Variants in PKHD1 observed in about 807,000 individuals in gnomAD.
The protein encoded by PKHD1 is fibrocystin.
In PKHD1, 291 loss-of-function variants were observed where a neutral mutation model predicts 412.0. The observed-to-expected ratio is 0.71, with a 90% confidence interval of 0.64 to 0.78. The LOEUF is 0.78. PKHD1 is among the 30% of genes least tolerant of loss of function. The pLI is 0.00. For synonymous variants in PKHD1, 1,777 were observed against 1,821.5 expected, an observed-to-expected ratio of 0.98 and a Z score of 0.62; for missense variants, 4,825 against 4,950.7, an observed-to-expected ratio of 0.97 and a Z score of 0.76.
intron 60 of PKHD1, among the ~76,000 whole-genome samples, chr6:51,711,428 G>T (rs939844121): frequency 1.1e-4 from 16 of 152,172 alleles, no homozygotes; most frequent in Admixed American, 5.2e-4. Context: ...AAATCATCTT[G>T]TCTCTATCCC....
At position 51,760,824 on chromosome 6, in the gene PKHD1, T is replaced by G. The variant is rs554574537; in HGVS notation, c.8643-5886A>C. On this transcript the variant is annotated intron_variant, in intron 55 of 66. Coordinates refer to ENST00000371117, the MANE Select transcript of PKHD1 (RefSeq NM_138694.4). ...AGAAAAGGATGAGGTAACAAATGAC[T>G]TGATTTCTTATTCAGTTCACAGTTT... Among the ~76,000 whole-genome samples, 8 of 152,236 alleles carry G rather than the reference T, an allele frequency of 5.3e-5. No homozygotes were observed. In the East Asian group the frequency reaches 1.5e-3, roughly 29 times the overall value.
intron 35 of PKHD1, among the ~76,000 whole-genome samples, chr6:51,975,037 C>G (rs1187335921): frequency 6.6e-6 from 1 of 151,306 alleles, no homozygotes; most frequent in Non-Finnish European, 1.5e-5. Flanking sequence ...AAATAAATTT[C>G]TATTATTTAA....
At position 51,699,920 on chromosome 6, in the gene PKHD1, A is replaced by AGTGTGTGTGTGTGT. The variant is rs148337538; in HGVS notation, c.10157-39965_10157-39952dup. Among the ~76,000 whole-genome samples, 628 of 137,876 alleles carry AGTGTGTGTGTGTGT rather than the reference A, an allele frequency of 4.6e-3. 5 individuals are homozygous for AGTGTGTGTGTGTGT. The highest frequency in any genetic ancestry group is 0.013 in the East Asian group (57 of 4,486). The allele number at this position is 137,876 out of a possible 152,430, so 90.5% of individuals were successfully genotyped here. On this transcript the variant is annotated intron_variant, in intron 60 of 66. Coordinates refer to ENST00000371117, the MANE Select transcript of PKHD1 (RefSeq NM_138694.4). ...TTTGGCCTCTGGAATATATATATGG[A>AGTGTGTGTGTGTGT]GTGTGTGTGTGTGTGTGTGTGTGTG...
At chr6:51,999,012 C>A (rs1417084827) in intron 35 of PKHD1, among the ~76,000 whole-genome samples, 1 of 152,112 alleles carries the variant, frequency 6.6e-6, no homozygotes, top group African/African-American at 2.4e-5. Context: ...AACCCTCCTA[C>A]CAGCAAAGCA....
Position 51,954,834 on chromosome 6 carries a change from T to C in PKHD1, c.5908+5036A>G, listed in dbSNP as rs981833331. 2.0e-4 allele frequency among the ~76,000 whole-genome samples: 31 copies of C among 152,026 alleles called. 1 individual carries two copies. Among genetic ancestry groups the C allele is most frequent in the African/African-American group, 7.2e-4 (30 of 41,434 alleles). ...CCTAATTGACCCTTTCATTAATCAT[T>C]ATCGTTACACTACTTCACATCAAGC... On this transcript the variant is annotated intron_variant, in intron 36 of 66. Transcript: ENST00000371117.
At chr6:52,069,149 CTTT>C (rs1034436065) in intron 11 of PKHD1, among the ~76,000 whole-genome samples, 1 of 152,272 alleles carries the variant, frequency 6.6e-6, no homozygotes, top group South Asian at 2.1e-4. Context: ...TGCTTTAAGA[CTTT>C]TTAAGTGCCA....
chr6:51,932,992 G>T (rs1342486587), intron 37 of PKHD1, among the ~76,000 whole-genome samples: 1 of 152,126 alleles, frequency 6.6e-6, no homozygotes, highest in African/African-American at 2.4e-5. Flanking sequence ...ATGACAAGTG[G>T]ATTATTTTGT....
chr6:52,069,604 G>A, intron 10 of PKHD1, 77 bp from the exon 11 acceptor site: 2 of 1,024,834 alleles, frequency 2.0e-6, no homozygotes, highest in Admixed American at 1.7e-5. Flanking sequence ...CTGCCTGAAA[G>A]GAAGATTGGG....
At chr6:51,679,581 T>G (rs1776348791) in intron 60 of PKHD1, among the ~76,000 whole-genome samples, 1 of 151,994 alleles carries the variant, frequency 6.6e-6, no homozygotes, top group South Asian at 2.1e-4. Flanking sequence ...TATTTTATAT[T>G]AATCTTTTCA....
chr6:51,742,513 C>G (rs1469629881), intron 60 of PKHD1, among the ~76,000 whole-genome samples: 1 of 152,180 alleles, frequency 6.6e-6, no homozygotes, highest in Non-Finnish European at 1.5e-5. Flanking sequence ...ATAGAACTGT[C>G]TGCATTTTAG....
intron 4 of PKHD1, among the ~76,000 whole-genome samples, chr6:52,080,750 CTA>C (rs1811914389): frequency 6.6e-6 from 1 of 152,026 alleles, no homozygotes; most frequent in African/African-American, 2.4e-5. Flanking sequence ...AACATGCACA[CTA>C]AATTTTGAAG....
rs1455141733 is a variant in PKHD1 at position 51,856,047 on chromosome 6, TAAG to T, written c.7754_7756del (p.Ser2585del). 1 of 1,603,546 alleles carries T rather than the reference TAAG, an allele frequency of 6.2e-7. No homozygotes were observed. Among genetic ancestry groups the T allele is most frequent in the African/African-American group, 1.3e-5 (1 of 74,616 alleles). On this transcript the variant is annotated inframe_deletion, in exon 49 of 67. Transcript: ENST00000371117. ...TCTGCTGTCAGTCATGGTTAAATCA[TAAG>T]AAACTTCAGGAGTATTCGCTCTAAG... is the stretch of plus-strand genomic sequence containing the variant.
intron 32 of PKHD1, among the ~76,000 whole-genome samples, chr6:52,024,222 C>T (rs932510990): frequency 6.6e-6 from 1 of 152,112 alleles, no homozygotes; most frequent in Non-Finnish European, 1.5e-5. Flanking sequence ...CGCAAATTGG[C>T]AGATAGGGTC....
chr6:51,868,209 G>C (rs1775399662), intron 47 of PKHD1, 100 bp from the exon 48 acceptor site: 8 of 1,098,348 alleles, frequency 7.3e-6, no homozygotes, highest in Non-Finnish European at 8.2e-6. Flanking sequence ...TATTTATCTA[G>C]TTTTACAATT....
chr6:51,901,721 C>A (rs1214341480), intron 43 of PKHD1, among the ~76,000 whole-genome samples: 1 of 149,536 alleles, frequency 6.7e-6, no homozygotes, highest in African/African-American at 2.5e-5. Context: ...TTAAGGTCAC[C>A]AAGGATAAAT....
chr6:51,866,893 G>T (rs964642428), intron 48 of PKHD1, among the ~76,000 whole-genome samples: 2 of 152,036 alleles, frequency 1.3e-5, no homozygotes, highest in African/African-American at 4.8e-5. Context: ...CTGGAATTGG[G>T]CTCATTAACG....
chr6:51,847,403 T>C (rs1488732785), intron 50 of PKHD1, among the ~76,000 whole-genome samples: 2 of 151,996 alleles, frequency 1.3e-5, no homozygotes, highest in African/African-American at 4.8e-5. Context: ...TGCCCTAAGA[T>C]GAATTAAAGA....
At chr6:51,866,992 CAG>C (rs1283774192) in intron 48 of PKHD1, among the ~76,000 whole-genome samples, 1 of 152,080 alleles carries the variant, frequency 6.6e-6, no homozygotes, top group African/African-American at 2.4e-5. Context: ...GCTTCTAAAA[CAG>C]AATGCCAAAG....
intron 53 of PKHD1, among the ~76,000 whole-genome samples, chr6:51,777,307 T>A (rs187081402): frequency 4.3e-4 from 65 of 152,230 alleles, no homozygotes; most frequent in African/African-American, 1.4e-3. Context: ...TACATACCTA[T>A]TTTTATAGTT....
Sources: gnomAD v4.1 joint callset for allele counts (sites outside exome capture counted in the v4.1 genomes callset) on GRCh38, gnomAD v4.1.1 for gene constraint, MANE v1.5 for transcripts, NCBI Gene and HGNC (gene_info 2026-07-23, HGNC 2026-07-21) for gene names.